DHRS12: variants seen among roughly 807,000 people sequenced by gnomAD.
DHRS12 encodes the protein dehydrogenase/reductase 12, also known as dehydrogenase/reductase SDR family member 12.
Under a neutral mutation model 32.1 loss-of-function variants are expected in DHRS12, and 29 were observed. The observed-to-expected ratio is 0.90, with a 90% confidence interval of 0.67 to 1.23. The LOEUF is 1.23. Among genes scored for constraint, DHRS12 ranks in the 50% most tolerant of loss-of-function variants. The pLI, the probability that DHRS12 is intolerant of heterozygous loss-of-function variation, is 0.00. For synonymous variants in DHRS12, 150 were observed against 135.9 expected, an observed-to-expected ratio of 1.10 and a Z score of -0.72; for missense variants, 330 against 337.2, an observed-to-expected ratio of 0.98 and a Z score of 0.17.
At chr13:51,802,180 C>CAT (rs1955788735) in intron 1 of DHRS12, among the ~76,000 whole-genome samples, 1 of 90,166 alleles carries the variant, frequency 1.1e-5, no homozygotes, top group South Asian at 3.0e-4. Flanking sequence ...CACACACACA[C>CAT]ACACACACAC....
chr13:51,800,888 C>T (rs571065769), intron 1 of DHRS12, among the ~76,000 whole-genome samples: 126 of 152,334 alleles, frequency 8.3e-4, no homozygotes, highest in African/African-American at 2.9e-3. Flanking sequence ...GAACACCCTA[C>T]CCATTGCTTC....
intron 4 of DHRS12, chr13:51,789,781 A>G: frequency 4.1e-6 from 4 of 985,466 alleles, no homozygotes; most frequent in Non-Finnish European, 4.8e-6. Flanking sequence ...TTCCTAGGAA[A>G]AAAAACACTT....
At chr13:51,779,862 G>T (rs557561234) in intron 4 of DHRS12, among the ~76,000 whole-genome samples, 1 of 152,076 alleles carries the variant, frequency 6.6e-6, no homozygotes, top group Non-Finnish European at 1.5e-5. Flanking sequence ...AGTTCTCCCG[G>T]GATAACCAGC....
At chr13:51,785,813 C>T (rs555993587) in intron 4 of DHRS12, among the ~76,000 whole-genome samples, 1 of 152,320 alleles carries the variant, frequency 6.6e-6, no homozygotes, top group South Asian at 2.1e-4. Flanking sequence ...TACAACCCTA[C>T]ACTAAAAAAT....
Position 51,782,141 on chromosome 13 carries a change from G to C in DHRS12, c.302-5020C>G, listed in dbSNP as rs894840399. ...GCCCATTACAGGAGCAGACCGGTGAGGGACTAAGGCTTCAGTTTTGGACAT... is the reference window on the plus strand; with the variant it reads ...GCCCATTACAGGAGCAGACCGGTGACGGACTAAGGCTTCAGTTTTGGACAT... On this transcript the variant is annotated intron_variant, in intron 4 of 8. Transcript: ENST00000444610. This position sits in a 1 kb window ranked among gnomAD's most constrained non-coding sequence, Gnocchi z 4.2. Among the ~76,000 whole-genome samples the C allele has an allele frequency of 2.6e-5, 4 of 152,168 alleles. No homozygotes were observed. Among genetic ancestry groups the C allele is most frequent in the African/African-American group, 4.8e-5 (2 of 41,434 alleles).
At chr13:51,798,868 T>A (rs1423375444) in intron 2 of DHRS12, among the ~76,000 whole-genome samples, 1 of 152,246 alleles carries the variant, frequency 6.6e-6, no homozygotes, top group Non-Finnish European at 1.5e-5. Flanking sequence ...CAGAGCCATT[T>A]GGTGACCCAG....
intron 8 of DHRS12, 95 bp downstream of exon 8, chr13:51,769,061 A>G: frequency 2.0e-6 from 3 of 1,534,064 alleles, no homozygotes; most frequent in Non-Finnish European, 2.6e-6. Context: ...GGACAGTCCC[A>G]CCCCAGGTTT....
rs1159683302 is a variant in DHRS12, at chr13:51,773,955, C to A, written c.443G>T (p.Gly148Val). The A allele has an allele frequency of 1.2e-6, 2 of 1,614,002 alleles. No individual in the cohort carries two copies. Among genetic ancestry groups the A allele is most frequent in the Admixed American group, 3.3e-5 (2 of 60,022 alleles). The change falls in exon 6 of 9, where the codon GGA (glycine) becomes GTA (valine). Residue 148 changes from glycine to valine, a missense_variant. Physicochemically the swap from Gly to Val is moderately radical, Grantham distance 109. Coordinates refer to ENST00000444610, the MANE Select transcript of DHRS12 (RefSeq NM_001377533.1). ...DLQSERTPFD[G>V]TMVYAQNKRQ... is the part of the protein sequence containing the mutation. ...CTTGTTTTGTGCATAGACCATAGTTCCATCAAATGGTGTTCTTTCGGACTG... is the reference window on the plus strand; with the variant it reads ...CTTGTTTTGTGCATAGACCATAGTTACATCAAATGGTGTTCTTTCGGACTG...
intron 2 of DHRS12, among the ~76,000 whole-genome samples, chr13:51,794,119 T>C (rs1029549717): frequency 6.6e-6 from 1 of 152,118 alleles, no homozygotes; most frequent in East Asian, 1.9e-4. Context: ...GAGAAGGAAC[T>C]GGAAACAGGT....
At chr13:51,778,682 G>A (rs1231686654) in intron 4 of DHRS12, among the ~76,000 whole-genome samples, 2 of 152,070 alleles carry the variant, frequency 1.3e-5, no homozygotes, top group Non-Finnish European at 2.9e-5. Flanking sequence ...TCAGGATGGC[G>A]AGAGCTGGGG....
rs1041819046 is a variant in DHRS12 at position 51,768,118 on chromosome 13, C to T, written c.*69G>A. On this transcript the variant is annotated 3_prime_UTR_variant, in exon 9 of 9. Transcript: ENST00000444610. Reference sequence around the variant, plus strand: ...AGTTGAAGTGGGGTCTTCTTATTCACTGGTCCCTAGACCGCACCTTCTGGT... The same window carrying T: ...AGTTGAAGTGGGGTCTTCTTATTCATTGGTCCCTAGACCGCACCTTCTGGT... 5 of 1,525,000 alleles carry T rather than the reference C, an allele frequency of 3.3e-6. No individual in the cohort carries two copies. Among genetic ancestry groups the T allele is most frequent in the Non-Finnish European group, 4.4e-6 (5 of 1,140,266 alleles). The allele number at this position is 1,525,000 out of a possible 1,614,324, so 94.5% of individuals were successfully genotyped here.
At chr13:51,787,967 C>A (rs1593545506) in intron 4 of DHRS12, among the ~76,000 whole-genome samples, 1 of 139,478 alleles carries the variant, frequency 7.2e-6, no homozygotes, top group East Asian at 2.0e-4. Flanking sequence ...CATATATATG[C>A]AACTCTCACT....
At chr13:51,781,413 G>A (rs1369386958) in intron 4 of DHRS12, among the ~76,000 whole-genome samples, 1 of 152,178 alleles carries the variant, frequency 6.6e-6, no homozygotes, top group Non-Finnish European at 1.5e-5. Flanking sequence ...CAGACCCAGT[G>A]CTAAGTACTC....
At chr13:51,770,825 T>C in intron 7 of DHRS12, 2 of 1,054,726 alleles carry the variant, frequency 1.9e-6, no homozygotes, top group African/African-American at 3.4e-5. Flanking sequence ...CACACAGGGT[T>C]TTTCCATAGG....
rs1024135779 is a variant in DHRS12 at position 51,770,922 on chromosome 13, T to G, written c.559+899A>C. On this transcript the variant is annotated intron_variant, in intron 7 of 8. Transcript: ENST00000444610. ...TAACTTCATCTCCTACCACCAGCAC[T>G]GTGATAAGCAACCTTGTTTTCCCTA... 163 of 1,242,666 alleles carry G rather than the reference T, an allele frequency of 1.3e-4. 4 individuals carry two copies. The East Asian group carries it at 6.4e-3, about 49-fold the overall frequency. 77.0% of individuals were successfully genotyped at this position (1,242,666 alleles called of 1,614,324 possible).
At chr13:51,801,974 G>T (rs751855275) in intron 1 of DHRS12, among the ~76,000 whole-genome samples, 1 of 152,158 alleles carries the variant, frequency 6.6e-6, no homozygotes, top group African/African-American at 2.4e-5. Flanking sequence ...GCTGCCAAGC[G>T]GGCAGTACCA....
chr13:51,777,347 G>A, intron 4 of DHRS12: 1 of 573,512 alleles, frequency 1.7e-6, no homozygotes, highest in South Asian at 2.1e-5. Context: ...AGGAAAAGAT[G>A]TCCACACTAC....
intron 4 of DHRS12, among the ~76,000 whole-genome samples, chr13:51,780,392 C>G (rs140309223): frequency 1.3e-4 from 20 of 152,172 alleles, no homozygotes; most frequent in Non-Finnish European, 2.9e-4. Context: ...TTTTAGAGTA[C>G]AGAATCCCAC....
intron 2 of DHRS12, among the ~76,000 whole-genome samples, chr13:51,795,996 C>A (rs1955499383): frequency 6.6e-6 from 1 of 152,158 alleles, no homozygotes; most frequent in African/African-American, 2.4e-5. Flanking sequence ...TGTGTCTGTC[C>A]CAATCACTGT....
Sources: gnomAD v4.1 joint callset for allele counts (sites outside exome capture counted in the v4.1 genomes callset) on GRCh38, gnomAD v4.1.1 for gene constraint, Gnocchi (gnomAD v3.1) non-coding constraint, MANE v1.5 for transcripts, NCBI Gene and HGNC (gene_info 2026-07-23, HGNC 2026-07-21) for gene names.